Variants in IARS2 observed in about 807,000 individuals in gnomAD.
IARS2 encodes isoleucyl-tRNA synthetase 2, mitochondrial.
IARS2 carries 56 observed loss-of-function variants against 126.3 expected under a neutral mutation model. That is an observed-to-expected ratio of 0.44 (90% CI 0.36 to 0.55). The LOEUF (loss-of-function observed/expected upper bound fraction) is 0.55. Ranked by LOEUF, IARS2 falls within the 20% of genes least tolerant of loss-of-function variation. IARS2 has a pLI of 0.00. For synonymous variants in IARS2, 407 were observed against 441.1 expected (o/e 0.92, Z 0.97); for missense variants, 1,127 against 1,245.9 (o/e 0.90, Z 1.44).
chr1:220,123,400 T>G (rs115144089), intron 12 of IARS2, among the ~76,000 whole-genome samples: 3,870 of 152,330 alleles, frequency 0.025, 72 homozygotes, highest in Admixed American at 0.036. Flanking sequence ...AAATCTATCC[T>G]TCATAGAATA....
intron 12 of IARS2, among the ~76,000 whole-genome samples, chr1:220,122,887 GTTTTA>G (rs1339473037): frequency 6.6e-5 from 10 of 150,620 alleles, no homozygotes; most frequent in Admixed American, 6.6e-4. Context: ...CTGTTTTACT[GTTTTA>G]TTTTACTCTT....
In IARS2 at chr1:220,096,157, A is replaced by G. The variant is rs1656434797; in HGVS notation, c.321A>G (p.Thr107=). The change falls in exon 2 of 23, where the codon ACA becomes ACG. Residue 107 remains threonine (T), a synonymous_variant. Transcript: ENST00000366922. ...GGCAAAGAGAAAGAAAAGTAAAGAC[A>G]GAATTTTGCCTTCATGATGGACCTC... ...YSWQRERKVK[T]EFCLHDGPPY... 6.4e-7 allele frequency: 1 copy of G among 1,564,724 alleles called. No homozygotes were observed. Among genetic ancestry groups the G allele is most frequent in the African/African-American group, 1.4e-5 (1 of 73,780 alleles).
rs1656396435 is a variant in IARS2 at position 220,094,545 on chromosome 1, C to T, written c.267+62C>T. On this transcript the variant is annotated intron_variant, in intron 1 of 22. Transcript: ENST00000366922. Reference sequence around the variant, plus strand: ...GCCCGATCCGGCCGCGGGCACCGGGCGCTCGCAGGCGCCACACCTCTAGGC... The same window carrying T: ...GCCCGATCCGGCCGCGGGCACCGGGTGCTCGCAGGCGCCACACCTCTAGGC... 2.9e-6 allele frequency: 4 copies of T among 1,391,806 alleles called. No homozygotes were observed. In the South Asian group the frequency reaches 5.9e-5, roughly 20 times the overall value. The allele number at this position is 1,391,806 out of a possible 1,614,324, so 86.2% of individuals were successfully genotyped here. A position where few individuals can be genotyped will look rare whatever the true frequency, so the allele number is the denominator to read the frequency against.
At chr1:220,102,030 C>T in intron 3 of IARS2, 99 bp from the exon 4 acceptor site, 1 of 1,169,342 alleles carries the variant, frequency 8.6e-7, no homozygotes, top group Non-Finnish European at 1.2e-6. Context: ...GCATTCTAAA[C>T]TGTCTGTAGC....
In IARS2 at chr1:220,141,851, T is replaced by G; in HGVS notation, c.2463T>G (p.Thr821=). 1 of 1,614,182 alleles carries G rather than the reference T, an allele frequency of 6.2e-7. No individual in the cohort carries two copies. The highest frequency in any genetic ancestry group is 2.2e-5 in the East Asian group (1 of 44,866). The change falls in exon 20 of 23, where the codon ACT becomes ACG. Residue 821 remains threonine, a synonymous_variant. Coordinates refer to ENST00000366922, the MANE Select transcript of IARS2 (RefSeq NM_018060.4). ...ACCCCAAACGACGCTCTTGTCAGAC[T>G]GCATTAGTTGAAATTTTGGATGTAA... is the stretch of plus-strand genomic sequence containing the variant. ...ENDPKRRSCQ[T]ALVEILDVIV... is the part of the protein sequence containing the mutation.
intron 15 of IARS2, 68 bp from the exon 16 acceptor site, chr1:220,136,741 T>A (rs1657385224): frequency 1.4e-6 from 1 of 737,200 alleles, no homozygotes; most frequent in African/African-American, 1.8e-5. Context: ...CTTTTTAAGC[T>A]GTACCTAATC....
At chr1:220,114,273 C>T in intron 11 of IARS2, 41 bp from the exon 12 acceptor site, 1 of 1,557,116 alleles carries the variant, frequency 6.4e-7, no homozygotes, top group East Asian at 2.2e-5. Context: ...AATACTTGTT[C>T]TGCTTTCTCT....
Position 220,110,809 on chromosome 1 carries a change from A to C in IARS2, c.1351A>C (p.Lys451Gln), listed in dbSNP as rs1656785820. Residue 451 changes from lysine (K) to glutamine (Q), a missense_variant, in exon 11 of 23, where the codon AAG becomes CAG. Coordinates refer to ENST00000366922, the MANE Select transcript of IARS2 (RefSeq NM_018060.4). ...AGTTATAAAGATGCTTCAGACTGCAAAGAATTTGTTGAAAGAGGAGAAATT... is the reference window on the plus strand; with the variant it reads ...AGTTATAAAGATGCTTCAGACTGCACAGAATTTGTTGAAAGAGGAGAAATT... ...DVVIKMLQTA[K>Q]NLLKEEKLVH... 5 of 1,610,616 alleles carry C rather than the reference A, an allele frequency of 3.1e-6. No homozygotes were observed. The highest frequency in any genetic ancestry group is 1.3e-5 in the African/African-American group (1 of 74,760).
chr1:220,137,670 A>G (rs980072373), intron 16 of IARS2: 12 of 393,476 alleles, frequency 3.0e-5, no homozygotes, highest in African/African-American at 8.0e-5. Flanking sequence ...AGACATGACC[A>G]GGGAAGAGAT....
intron 12 of IARS2, among the ~76,000 whole-genome samples, chr1:220,114,885 A>G (rs1656882971): frequency 6.6e-6 from 1 of 151,912 alleles, no homozygotes; most frequent in Admixed American, 6.6e-5. Flanking sequence ...TTAAAATTTA[A>G]GAAATTGTAG....
intron 11 of IARS2, 94 bp downstream of exon 11, chr1:220,111,031 T>C: frequency 9.0e-7 from 1 of 1,110,320 alleles, no homozygotes; most frequent in Non-Finnish European, 1.3e-6. Context: ...TCAGGAGTAA[T>C]AGGGATTGCT....
At chr1:220,129,496 C>G (rs886860060) in intron 14 of IARS2, among the ~76,000 whole-genome samples, 1 of 152,208 alleles carries the variant, frequency 6.6e-6, no homozygotes. Flanking sequence ...TGACCAAACT[C>G]TCTTCATCCC....
At chr1:220,135,501 C>T (rs889581581) in intron 15 of IARS2, among the ~76,000 whole-genome samples, 2 of 151,794 alleles carry the variant, frequency 1.3e-5, no homozygotes, top group African/African-American at 2.4e-5. Context: ...GCTGGAATTA[C>T]GGAGCATGCC....
At chr1:220,145,732 G>A in intron 22 of IARS2, 79 bp downstream of exon 22, 1 of 1,196,540 alleles carries the variant, frequency 8.4e-7, no homozygotes. Context: ...CCAGTGGACT[G>A]GGTTTATTCT....
intron 12 of IARS2, 93 bp from the exon 13 acceptor site, chr1:220,125,144 A>C (rs1459733344): frequency 5.8e-6 from 4 of 691,522 alleles, no homozygotes; most frequent in Non-Finnish European, 9.2e-6. Context: ...TTTGAGGAAA[A>C]AGGAAAATAA....
At chr1:220,103,604 T>G in intron 8 of IARS2, 42 bp downstream of exon 8, 1 of 1,244,992 alleles carries the variant, frequency 8.0e-7, no homozygotes, top group Non-Finnish European at 1.2e-6. Flanking sequence ...CATCAAAGTA[T>G]TGGGCTGACT....
At chr1:220,095,971 T>C in intron 1 of IARS2, 133 bp from the exon 2 acceptor site, 1 of 570,188 alleles carries the variant, frequency 1.8e-6, no homozygotes, top group East Asian at 2.9e-5. Flanking sequence ...TATTTCAGAG[T>C]TGAGTAGATT....
rs1280851303 is a variant in IARS2, at chr1:220,142,926, A to G, written c.2561-18A>G. On this transcript the variant is annotated intron_variant, in intron 20 of 22. Transcript: ENST00000366922. ...TAGGATGTTTGTAAAGCAGTTTACT[A>G]TTTTTGTTCTTCTGAAGAGCCCAAG... The G allele has an allele frequency of 1.3e-6, 2 of 1,567,522 alleles. No individual in the cohort carries two copies. The highest frequency in any genetic ancestry group is 1.7e-4 in the Middle Eastern group (1 of 5,874).
chr1:220,145,620 G>T lies in IARS2; in HGVS notation c.2863G>T (p.Glu955Ter), dbSNP rs1396705665. The change falls in exon 22 of 23, where the codon GAG becomes TAG. Residue 955 changes from glutamate (E) to a stop codon, truncating the protein, a stop_gained. Coordinates refer to ENST00000366922, the MANE Select transcript of IARS2 (RefSeq NM_018060.4). LOFTEE classifies it low-confidence loss of function (END_TRUNC). ...EPREMTADVIELKGKFLINLE... is the reference protein window; with the variant it reads ...EPREMTADVI Reference sequence around the variant, plus strand: ...ACGAGAGATGACTGCAGATGTAATCGAGCTTAAAGGGAAATTCCTCATCAA... The same window carrying T: ...ACGAGAGATGACTGCAGATGTAATCTAGCTTAAAGGGAAATTCCTCATCAA... The T allele has an allele frequency of 1.2e-6, 2 of 1,613,132 alleles. No homozygotes were observed. The highest frequency in any genetic ancestry group is 1.1e-5 in the South Asian group (1 of 90,926).
Sources: allele counts gnomAD v4.1 joint callset (sites outside exome capture counted in the v4.1 genomes callset), GRCh38; gene constraint gnomAD v4.1.1; transcripts MANE v1.5; gene names NCBI Gene and HGNC (gene_info 2026-07-23, HGNC 2026-07-21).